Variants in AK7 observed in about 807,000 individuals in gnomAD.
AK7 encodes the protein adenylate kinase 7.
A neutral mutation model predicts 96.6 loss-of-function variants in AK7; 78 were observed. The ratio of observed to expected loss-of-function variants is 0.81; its 90% confidence interval spans 0.67 to 0.97. The LOEUF is 0.97. Ranked by LOEUF, AK7 falls within the 50% of genes least tolerant of loss-of-function variation. The pLI is 0.00. For missense variants in AK7, 855 were observed against 887.9 expected, an observed-to-expected ratio of 0.96 and a Z score of 0.47; for synonymous variants, 302 against 317.2, an observed-to-expected ratio of 0.95 and a Z score of 0.51.
intron 8 of AK7, among the ~76,000 whole-genome samples, chr14:96,449,239 C>G (rs1893433501): frequency 6.6e-6 from 1 of 152,154 alleles, no homozygotes; most frequent in African/African-American, 2.4e-5. Flanking sequence ...CAGACTACAG[C>G]ACAGAATCCC....
chr14:96,425,172 C>A (rs1369173047), intron 5 of AK7, among the ~76,000 whole-genome samples: 4 of 152,116 alleles, frequency 2.6e-5, no homozygotes, highest in African/African-American at 9.7e-5. Context: ...AATCATTTAA[C>A]ACATTCATTT....
chr14:96,450,105 C>G (rs1308883777), intron 9 of AK7, among the ~76,000 whole-genome samples: 1 of 151,952 alleles, frequency 6.6e-6, no homozygotes, highest in Non-Finnish European at 1.5e-5. Context: ...CTGAATAACC[C>G]CCAGAGGTCC....
chr14:96,454,146 G>T (rs1893758521), intron 10 of AK7, among the ~76,000 whole-genome samples: 1 of 152,140 alleles, frequency 6.6e-6, no homozygotes, highest in Admixed American at 6.6e-5. Flanking sequence ...CACTGTCTTG[G>T]TTTCCTCACC....
At chr14:96,400,405 T>C (rs1595368451) in intron 2 of AK7, among the ~76,000 whole-genome samples, 2 of 152,172 alleles carry the variant, frequency 1.3e-5, no homozygotes, top group African/African-American at 4.8e-5. Flanking sequence ...TCTCTATCAA[T>C]TGGGGCTGTG....
chr14:96,461,580 CTTTATTTA>C (rs996866844), intron 12 of AK7, among the ~76,000 whole-genome samples: 5 of 151,966 alleles, frequency 3.3e-5, no homozygotes, highest in East Asian at 1.9e-4. Context: ...AAACATTGAA[CTTTATTTA>C]TTTATTTATT....
At chr14:96,430,683 G>A (rs1892300623) in intron 5 of AK7, among the ~76,000 whole-genome samples, 1 of 152,110 alleles carries the variant, frequency 6.6e-6, no homozygotes, top group Non-Finnish European at 1.5e-5. Flanking sequence ...TGGTTTGCCA[G>A]TATTTTATTT....
rs779158360 is a variant in AK7, at chr14:96,398,322, A to G, written c.294+59A>G. 1.3e-5 allele frequency: 21 copies of G among 1,567,982 alleles called. No homozygotes were observed. In the Admixed American group the frequency reaches 1.3e-4, roughly 10 times the overall value. ...GAGGGAAGAGTCACCTTCCGCTCCA[A>G]CGCCTTGACAACTTGTTTTACTGTT... is the stretch of plus-strand genomic sequence containing the variant. On this transcript the variant is annotated intron_variant, in intron 2 of 17. Coordinates refer to ENST00000267584, the MANE Select transcript of AK7 (RefSeq NM_152327.5).
Position 96,471,507 on chromosome 14 carries a change from T to C in AK7, c.1387T>C (p.Phe463Leu). The C allele has an allele frequency of 6.6e-7, 1 of 1,516,714 alleles. No individual in the cohort carries two copies. The highest frequency in any genetic ancestry group is 1.2e-5 in the South Asian group (1 of 84,344). 94.0% of individuals were successfully genotyped at this position (1,516,714 alleles called of 1,614,324 possible). A position where few individuals can be genotyped will look rare whatever the true frequency, so the allele number is the denominator to read the frequency against. ...GQLDDQYIIR[F>L]MKEKLKSMPC... ...ACTAGACGATCAATATATAATTAGA[T>C]TTATGAAAGAAAAGCTAAAATCAAT... Residue 463 changes from phenylalanine to leucine, a missense_variant, in exon 13 of 18, where the codon TTT (phenylalanine) becomes CTT (leucine). By Grantham distance (22) the Phe-to-Leu change is conservative (BLOSUM62 0). Transcript: ENST00000267584.
intron 7 of AK7, 42 bp downstream of exon 7, chr14:96,442,860 A>G: frequency 6.4e-7 from 1 of 1,555,772 alleles, no homozygotes; most frequent in South Asian, 1.1e-5. Context: ...AGAATTGGTT[A>G]ATGTGTTTGT....
chr14:96,407,362 A>G (rs1890767711), intron 3 of AK7, among the ~76,000 whole-genome samples: 1 of 152,196 alleles, frequency 6.6e-6, no homozygotes, highest in Non-Finnish European at 1.5e-5. Flanking sequence ...ATAATACGTG[A>G]TCATAGTGTT....
At chr14:96,415,133 G>A (rs1891257616) in intron 4 of AK7, among the ~76,000 whole-genome samples, 1 of 151,844 alleles carries the variant, frequency 6.6e-6, no homozygotes, top group African/African-American at 2.4e-5. Flanking sequence ...CATGGGGAAG[G>A]GACCCCTCAC....
At chr14:96,404,684 TATC>T in intron 2 of AK7, 70 bp from the exon 3 acceptor site, 1 of 1,033,644 alleles carries the variant, frequency 9.7e-7, no homozygotes, top group Middle Eastern at 2.3e-4. Flanking sequence ...TTTTGAAAAT[TATC>T]ATTTCATTGA....
chr14:96,476,226 C>T (rs999100231), intron 14 of AK7, among the ~76,000 whole-genome samples: 2 of 152,096 alleles, frequency 1.3e-5, no homozygotes, highest in African/African-American at 2.4e-5. Flanking sequence ...GCTTTTTCAG[C>T]CCAGCGCAGT....
intron 12 of AK7, among the ~76,000 whole-genome samples, chr14:96,460,413 A>G (rs574000120): frequency 1.3e-5 from 2 of 152,072 alleles, no homozygotes; most frequent in Admixed American, 6.6e-5. Context: ...CTGATCCTCC[A>G]GGGATCAAGG....
chr14:96,487,679 G>A (rs937406476), intron 17 of AK7, among the ~76,000 whole-genome samples: 2 of 151,508 alleles, frequency 1.3e-5, no homozygotes, highest in Admixed American at 6.6e-5. Context: ...TGCCTGCCTC[G>A]GTCTCCCAAA....
At chr14:96,430,732 T>C (rs1258979346) in intron 5 of AK7, among the ~76,000 whole-genome samples, 1 of 152,214 alleles carries the variant, frequency 6.6e-6, no homozygotes, top group East Asian at 1.9e-4. Flanking sequence ...TCTAAAATTC[T>C]CTTGTTTTTG....
chr14:96,398,320 C>T, intron 2 of AK7, 57 bp downstream of exon 2: 1 of 1,568,716 alleles, frequency 6.4e-7, no homozygotes. Context: ...CCTTCCGCTC[C>T]AACGCCTTGA....
At chr14:96,450,103 C>T (rs961246351) in intron 9 of AK7, among the ~76,000 whole-genome samples, 2 of 152,026 alleles carry the variant, frequency 1.3e-5, no homozygotes, top group African/African-American at 4.8e-5. Flanking sequence ...TCCTGAATAA[C>T]CCCCAGAGGT....
intron 12 of AK7, among the ~76,000 whole-genome samples, chr14:96,467,344 T>TG (rs1894627287): frequency 6.6e-6 from 1 of 151,030 alleles, no homozygotes; most frequent in Non-Finnish European, 1.5e-5. Context: ...TTTTTTTTTT[T>TG]GGCAACAGAT....
Sources: allele counts gnomAD v4.1 joint callset (sites outside exome capture counted in the v4.1 genomes callset), GRCh38; gene constraint gnomAD v4.1.1; transcripts MANE v1.5; gene names NCBI Gene and HGNC (gene_info 2026-07-23, HGNC 2026-07-21).